PPFIBP2: variants seen among roughly 807,000 people sequenced by gnomAD.
The protein encoded by PPFIBP2 is PPFIB scaffold protein 2.
Under a neutral mutation model 118.3 loss-of-function variants are expected in PPFIBP2, and 118 were observed. The observed-to-expected ratio is 1.00, with a 90% CI of 0.86 to 1.16. The LOEUF is 1.16. Ranked by LOEUF, PPFIBP2 falls within the 50% of genes most tolerant of loss-of-function variation. The probability of loss-of-function intolerance (pLI) is 0.00; values close to 1 mark genes in which losing one functional copy is unlikely to be tolerated. For synonymous variants in PPFIBP2, 414 were observed against 397.4 expected, an observed-to-expected ratio of 1.04 and a Z score of -0.50; for missense variants, 1,195 against 1,073.1, an observed-to-expected ratio of 1.11 and a Z score of -1.59.
At chr11:7,533,624 C>T (rs1286994848) in intron 1 of PPFIBP2, among the ~76,000 whole-genome samples, 2 of 152,178 alleles carry the variant, frequency 1.3e-5, no homozygotes, top group East Asian at 3.8e-4. Flanking sequence ...CCAGCACCTT[C>T]AGGGATGAGG....
chr11:7,525,603 C>T (rs1307302545), intron 1 of PPFIBP2, among the ~76,000 whole-genome samples: 2 of 152,156 alleles, frequency 1.3e-5, no homozygotes, highest in Non-Finnish European at 2.9e-5. Flanking sequence ...TGGCTGGTCA[C>T]CCACGTACAG....
Position 7,632,883 on chromosome 11 carries a change from G to T in PPFIBP2, c.1085G>T (p.Ser362Ile). 2 of 1,613,836 alleles carry T rather than the reference G, an allele frequency of 1.2e-6. No homozygotes were observed. The highest frequency in any genetic ancestry group is 1.7e-6 in the Non-Finnish European group (2 of 1,179,768). Residue 362 changes from serine (S) to isoleucine (I), a missense_variant, in exon 12 of 24, where the codon AGC (serine) becomes ATC (isoleucine). Transcript: ENST00000299492. Reference protein sequence around the residue: ...LFKQEMPPRCSSPTVGPPPLP... With the variant: ...LFKQEMPPRCISPTVGPPPLP... ...CTGGTGCAGATGCCTCCAAGATGTA[G>T]CTCTCCTACAGTGGGGCCACCTCCA...
intron 1 of PPFIBP2, among the ~76,000 whole-genome samples, chr11:7,532,745 C>T (rs532798508): frequency 6.6e-6 from 1 of 152,234 alleles, no homozygotes; most frequent in Non-Finnish European, 1.5e-5. Context: ...ACAGTGCACA[C>T]AGGCCTGTCT....
chr11:7,577,512 G>A (rs1856603522), intron 3 of PPFIBP2: 1 of 455,284 alleles, frequency 2.2e-6, no homozygotes, highest in Admixed American at 2.4e-5. Context: ...CAGAGGCAAG[G>A]AAGAGGAGAG....
chr11:7,604,123 A>G (rs1354823246), intron 5 of PPFIBP2, among the ~76,000 whole-genome samples: 1 of 152,188 alleles, frequency 6.6e-6, no homozygotes, highest in Non-Finnish European at 1.5e-5. Context: ...GTCTTGGGTG[A>G]GAATGAGATT....
chr11:7,580,894 A>G (rs1482702970), intron 3 of PPFIBP2, among the ~76,000 whole-genome samples: 2 of 152,208 alleles, frequency 1.3e-5, no homozygotes, highest in Non-Finnish European at 2.9e-5. Context: ...TGAAAGAGGA[A>G]CAGATGGAAC....
intron 10 of PPFIBP2, among the ~76,000 whole-genome samples, chr11:7,630,027 T>C (rs1440357260): frequency 1.3e-5 from 2 of 152,222 alleles, no homozygotes. Context: ...CTGTGTTTTA[T>C]ATTTGCTGCC....
the PPFIBP2 span, chr11:7,665,854 T>C: frequency 4.6e-6 from 7 of 1,535,900 alleles, no homozygotes; most frequent in African/African-American, 1.4e-5. Flanking sequence ...TACAGCCAGC[T>C]GGAGTTGTCC....
chr11:7,634,290 T>C (rs1451174864), intron 12 of PPFIBP2, among the ~76,000 whole-genome samples: 1 of 152,246 alleles, frequency 6.6e-6, no homozygotes, highest in Non-Finnish European at 1.5e-5. Flanking sequence ...TGTCATGCCC[T>C]TACTAACACA....
intron 3 of PPFIBP2, among the ~76,000 whole-genome samples, chr11:7,566,958 A>G (rs7101634): frequency 6.6e-6 from 1 of 152,036 alleles, no homozygotes; most frequent in Non-Finnish European, 1.5e-5. Flanking sequence ...GTTGTTTTCT[A>G]TTAGGATTTT....
chr11:7,651,437 T>C (rs7940775), intron 22 of PPFIBP2: 188,276 of 488,368 alleles, frequency 0.39, 38,285 homozygotes, highest in South Asian at 0.43. Context: ...TCTCTGCTGG[T>C]CTGTGAAAAC....
At chr11:7,545,950 A>G (rs1852284257) in intron 1 of PPFIBP2, among the ~76,000 whole-genome samples, 1 of 152,134 alleles carries the variant, frequency 6.6e-6, no homozygotes, top group Non-Finnish European at 1.5e-5. Flanking sequence ...GGACTGAGCG[A>G]CCCATGATTG....
intron 17 of PPFIBP2, among the ~76,000 whole-genome samples, chr11:7,646,748 C>A (rs769948590): frequency 6.6e-6 from 1 of 152,082 alleles, no homozygotes; most frequent in Non-Finnish European, 1.5e-5. Flanking sequence ...TTACTAACAC[C>A]CTGTCTCTAA....
chr11:7,610,385 A>G lies in PPFIBP2; in HGVS notation c.581A>G (p.Glu194Gly). Residue 194 changes from glutamate (E) to glycine (G), a missense_variant, in exon 6 of 24, where the codon GAG becomes GGG. Transcript: ENST00000299492. The part of the protein sequence containing the change: ...LKLKLVGMEK[E>G]QREQEEKQRK... ...CTCAAGCTGGTTGGCATGGAGAAGG[A>G]GCAGAGAGAGCAGGAGGAGAAGCAG... 1 of 1,614,122 alleles carries G rather than the reference A, an allele frequency of 6.2e-7. No homozygotes were observed. The highest frequency in any genetic ancestry group is 8.5e-7 in the Non-Finnish European group (1 of 1,180,012).
chr11:7,592,317 T>G (rs142215020), intron 3 of PPFIBP2, among the ~76,000 whole-genome samples: 27 of 152,236 alleles, frequency 1.8e-4, no homozygotes, highest in African/African-American at 6.0e-4. Context: ...TGACACCTCC[T>G]TTCTCTGCTT....
chr11:7,636,920 CTG>C (rs1317429028), intron 14 of PPFIBP2, among the ~76,000 whole-genome samples: 2 of 152,198 alleles, frequency 1.3e-5, no homozygotes, highest in Non-Finnish European at 2.9e-5. Flanking sequence ...GCATCCCTAA[CTG>C]TAGTGTCTGG....
Position 7,593,144 on chromosome 11 carries a change from C to T in PPFIBP2, c.292C>T (p.His98Tyr), listed in dbSNP as rs1474161408. The T allele has an allele frequency of 1.2e-6, 2 of 1,613,850 alleles. No homozygotes were observed. Among genetic ancestry groups the T allele is most frequent in the Non-Finnish European group, 1.7e-6 (2 of 1,179,918 alleles). Residue 98 changes from histidine (H) to tyrosine (Y), a missense_variant, in exon 4 of 24, where the codon CAC (histidine) becomes TAC (tyrosine). By Grantham distance (83) the His-to-Tyr change is moderately conservative. Transcript: ENST00000299492. ...CTGTCCTCTTTAGTCCCAGGTAAACCACCACAGTGCTGCTAGTAATGAAAC... is the reference window on the plus strand; with the variant it reads ...CTGTCCTCTTTAGTCCCAGGTAAACTACCACAGTGCTGCTAGTAATGAAAC... The part of the protein sequence containing the change: ...WFEESLSQVN[H>Y]HSAASNETYQ...
intron 14 of PPFIBP2, among the ~76,000 whole-genome samples, chr11:7,637,118 C>G (rs1306571547): frequency 3.3e-5 from 5 of 152,224 alleles, no homozygotes; most frequent in Non-Finnish European, 5.9e-5. Context: ...ATTTAAGTCC[C>G]TCATGCCCTC....
chr11:7,609,325 ATTGCTTTCC>A, intron 5 of PPFIBP2, among the ~76,000 whole-genome samples: 1 of 152,160 alleles, frequency 6.6e-6, no homozygotes, highest in Non-Finnish European at 1.5e-5. Context: ...CATTTGGCCC[ATTGCTTTCC>A]TGGTTGCTGT....
Sources: gnomAD v4.1 joint callset for allele counts (sites outside exome capture counted in the v4.1 genomes callset) on GRCh38, gnomAD v4.1.1 for gene constraint, MANE v1.5 for transcripts, NCBI Gene and HGNC (gene_info 2026-07-23, HGNC 2026-07-21) for gene names.